The following CLDN14 variants were observed in gnomAD, a reference collection of about 807,000 sequenced individuals.
CLDN14 encodes the protein claudin 14.
Under a neutral mutation model 2.1 loss-of-function variants are expected in CLDN14, and 2 were observed. The observed-to-expected ratio is 0.96, with a 90% CI of 0.39 to 3.01. The LOEUF (loss-of-function observed/expected upper bound fraction) is 3.01, where lower values mean the gene tolerates loss of function less well. CLDN14 is among the 30% of genes most tolerant of loss of function. The pLI, the probability that CLDN14 is intolerant of heterozygous loss-of-function variation, is 0.09. For synonymous variants in CLDN14, 136 were observed against 154.4 expected, an observed-to-expected ratio of 0.88 and a Z score of 0.88; for missense variants, 298 against 328.0, an observed-to-expected ratio of 0.91 and a Z score of 0.71.
chr21:36,535,773 A>T (rs753910494), intron 1 of CLDN14, among the ~76,000 whole-genome samples: 1 of 152,192 alleles, frequency 6.6e-6, no homozygotes, highest in Non-Finnish European at 1.5e-5. Flanking sequence ...AACGTCATGT[A>T]TAAGCAACTG....
At chr21:36,522,400 G>C (rs1387508609) in intron 1 of CLDN14, among the ~76,000 whole-genome samples, 2 of 152,238 alleles carry the variant, frequency 1.3e-5, no homozygotes. Context: ...AACTTTGGGA[G>C]ACACTGAGCA....
chr21:36,491,381 C>T (rs768268008), intron 2 of CLDN14, among the ~76,000 whole-genome samples: 3 of 152,176 alleles, frequency 2.0e-5, no homozygotes, highest in Non-Finnish European at 2.9e-5. Context: ...AGAAGCAACA[C>T]ACAAAGCTTT....
At chr21:36,484,048 T>C (rs182144974), upstream of CLDN14, among the ~76,000 whole-genome samples, 4 of 152,276 alleles carry the variant, frequency 2.6e-5, no homozygotes, top group Admixed American at 1.3e-4. Flanking sequence ...GCAGGACTTA[T>C]GGCCCCACTG....
chr21:36,492,138 T>TA (rs986799599), intron 2 of CLDN14, among the ~76,000 whole-genome samples: 2 of 147,446 alleles, frequency 1.4e-5, no homozygotes, highest in African/African-American at 5.1e-5. Context: ...ACTCTGTCTC[T>TA]AAAAAAAATG....
At chr21:36,469,073 C>A (rs1327207774) in intron 1 of CLDN14, among the ~76,000 whole-genome samples, 2 of 152,122 alleles carry the variant, frequency 1.3e-5, no homozygotes, top group East Asian at 3.9e-4. Context: ...GCTAGTATTT[C>A]CTAAGGGCAT....
intron 1 of CLDN14, among the ~76,000 whole-genome samples, chr21:36,534,765 C>G (rs963492073): frequency 2.0e-5 from 3 of 152,210 alleles, no homozygotes; most frequent in Non-Finnish European, 4.4e-5. Flanking sequence ...CAATCCTGCT[C>G]TTGCTCATTC....
At chr21:36,468,771 T>C (rs187320283) in intron 1 of CLDN14, among the ~76,000 whole-genome samples, 1 of 149,784 alleles carries the variant, frequency 6.7e-6, no homozygotes, top group East Asian at 1.9e-4. Flanking sequence ...TTCTTTCTTT[T>C]TTTTTTGAGA....
At chr21:36,467,591 C>T (rs1263068469) in intron 1 of CLDN14, among the ~76,000 whole-genome samples, 5 of 151,588 alleles carry the variant, frequency 3.3e-5, no homozygotes, top group Non-Finnish European at 5.9e-5. Flanking sequence ...ACTGCAAGTT[C>T]TTCTTTGGTA....
intron 2 of CLDN14, among the ~76,000 whole-genome samples, chr21:36,493,199 G>A (rs1157963175): frequency 6.6e-6 from 1 of 152,136 alleles, no homozygotes; most frequent in Non-Finnish European, 1.5e-5. Context: ...GAGAGCAGCT[G>A]TGAGGGGCTG....
intron 1 of CLDN14, among the ~76,000 whole-genome samples, chr21:36,562,093 T>C (rs1397417496): frequency 6.6e-6 from 1 of 152,244 alleles, no homozygotes; most frequent in East Asian, 1.9e-4. Context: ...AGGCTATTAT[T>C]ACAATCATCT....
At chr21:36,471,969 G>A (rs1196340218) in intron 1 of CLDN14, among the ~76,000 whole-genome samples, 2 of 152,228 alleles carry the variant, frequency 1.3e-5, no homozygotes, top group Admixed American at 6.5e-5. Context: ...GCAGTTAGTT[G>A]TTAATGATAA....
chr21:36,530,440 C>T (rs1329511580), intron 1 of CLDN14, among the ~76,000 whole-genome samples: 2 of 152,376 alleles, frequency 1.3e-5, no homozygotes, highest in Non-Finnish European at 2.9e-5. Flanking sequence ...ACATGCCCCA[C>T]CTCAGGCAGG....
rs373799370 is a variant in CLDN14, at chr21:36,498,133, T to TGGGATTACAGGCAC, written c.-82+12216_-82+12229dup. On this transcript the variant is annotated intron_variant, in intron 2 of 2. Coordinates refer to the CLDN14 transcript ENST00000342108. This position sits in a 1 kb window ranked among gnomAD's most constrained non-coding sequence, Gnocchi z 4.9. The stretch of plus-strand genomic sequence containing the variant: ...CTCCTGTCTCAGCCTCATGAGTAGC[T>TGGGATTACAGGCAC]GGGATTACAGGCACCCACCACCATG... Among the ~76,000 whole-genome samples, 251 of 152,224 alleles carry TGGGATTACAGGCAC rather than the reference T, an allele frequency of 1.6e-3. 2 individuals carry two copies. Among genetic ancestry groups the TGGGATTACAGGCAC allele is most frequent in the African/African-American group, 5.7e-3 (237 of 41,532 alleles).
intron 1 of CLDN14, among the ~76,000 whole-genome samples, chr21:36,540,059 A>G (rs1204046604): frequency 1.5e-5 from 2 of 135,332 alleles, no homozygotes; most frequent in South Asian, 2.5e-4. Context: ...TGTGGTATGT[A>G]TGTGTGTGGA....
In CLDN14 at chr21:36,497,773, C is replaced by T. The variant is rs75410964; in HGVS notation, c.-82+12590G>A. Among the ~76,000 whole-genome samples, 634 of 152,270 alleles carry T rather than the reference C, an allele frequency of 4.2e-3. 2 individuals are homozygous for T. Among genetic ancestry groups the T allele is most frequent in the Middle Eastern group, 0.01 (3 of 294 alleles). On this transcript the variant is annotated intron_variant, in intron 2 of 2. Coordinates refer to the CLDN14 transcript ENST00000342108. ...AACCACCTTGAGACACCTGCGTGAT[C>T]CATCCTCAAAGCAATGAGTTAGGAG...
intron 1 of CLDN14, among the ~76,000 whole-genome samples, chr21:36,528,368 C>G (rs143962372): frequency 1.3e-5 from 2 of 152,190 alleles, no homozygotes; most frequent in Non-Finnish European, 2.9e-5. Flanking sequence ...AGACAGTCCA[C>G]GTCCTACAGC....
chr21:36,549,122 G>C (rs400544), intron 1 of CLDN14, among the ~76,000 whole-genome samples: 125,867 of 151,272 alleles, frequency 0.83, 52,840 homozygotes, highest in Middle Eastern at 0.9. Context: ...TATGGGGCAT[G>C]ACACAGACGA....
chr21:36,485,653 T>TTC (rs1675094376), intron 2 of CLDN14, among the ~76,000 whole-genome samples: 1 of 152,186 alleles, frequency 6.6e-6, no homozygotes, highest in South Asian at 2.1e-4. Flanking sequence ...GCAAGGTGCC[T>TTC]TCCCAATCCT....
intron 1 of CLDN14, among the ~76,000 whole-genome samples, chr21:36,541,675 C>T (rs1050788665): frequency 9.2e-5 from 14 of 152,098 alleles, no homozygotes; most frequent in Admixed American, 6.5e-4. Flanking sequence ...ACACAAAATA[C>T]AAAAGATTTC....
Sources: gnomAD v4.1 joint callset for allele counts (sites outside exome capture counted in the v4.1 genomes callset) on GRCh38, gnomAD v4.1.1 for gene constraint, Gnocchi (gnomAD v3.1) non-coding constraint, MANE v1.5 for transcripts, NCBI Gene and HGNC (gene_info 2026-07-23, HGNC 2026-07-21) for gene names.